MRPS5: variants seen among roughly 807,000 people sequenced by gnomAD.
MRPS5 encodes the protein small ribosomal subunit protein uS5m.
In MRPS5, 27 loss-of-function variants were observed where a neutral mutation model predicts 51.9. The ratio of observed to expected loss-of-function variants is 0.52; its 90% confidence interval spans 0.38 to 0.72. The LOEUF (loss-of-function observed/expected upper bound fraction) is 0.72. MRPS5 is among the 30% of genes least tolerant of loss of function. The probability of loss-of-function intolerance (pLI) is 0.00; values close to 1 mark genes in which losing one functional copy is unlikely to be tolerated. For missense variants in MRPS5, 570 were observed against 545.7 expected, an observed-to-expected ratio of 1.04 and a Z score of -0.44; for synonymous variants, 196 against 193.2, an observed-to-expected ratio of 1.01 and a Z score of -0.12.
At chr2:95,107,554 G>A (rs1391619878) in intron 5 of MRPS5, among the ~76,000 whole-genome samples, 1 of 152,038 alleles carries the variant, frequency 6.6e-6, no homozygotes. Context: ...CATGTTCTTT[G>A]GAATCTCTCC....
intron 11 of MRPS5, 46 bp downstream of exon 11, chr2:95,090,340 G>A (rs755238369): frequency 1.2e-6 from 2 of 1,604,988 alleles, no homozygotes; most frequent in Non-Finnish European, 1.7e-6. Flanking sequence ...ACACACAACT[G>A]AAATACAAAC....
At chr2:95,120,754 G>A (rs1676419543) in intron 1 of MRPS5, among the ~76,000 whole-genome samples, 1 of 152,148 alleles carries the variant, frequency 6.6e-6, no homozygotes, top group Non-Finnish European at 1.5e-5. Flanking sequence ...ACCTCATGAA[G>A]GCATTTCGAA....
intron 10 of MRPS5, among the ~76,000 whole-genome samples, chr2:95,099,764 T>C (rs1327783285): frequency 6.6e-6 from 1 of 152,246 alleles, no homozygotes; most frequent in Non-Finnish European, 1.5e-5. Flanking sequence ...TTGAGGGTTT[T>C]TTCCTGATTT....
At chr2:95,112,829 C>T (rs778063570) in intron 3 of MRPS5, among the ~76,000 whole-genome samples, 4 of 151,628 alleles carry the variant, frequency 2.6e-5, no homozygotes, top group Admixed American at 2.0e-4. Context: ...AAGGTGAAAC[C>T]CCATCTCTAC....
intron 6 of MRPS5, among the ~76,000 whole-genome samples, chr2:95,105,063 C>T (rs1675910556): frequency 1.3e-5 from 2 of 152,190 alleles, no homozygotes; most frequent in East Asian, 3.8e-4. Flanking sequence ...GCTGATCAAA[C>T]TTTGATGTAA....
At position 95,087,488 on chromosome 2, in the gene MRPS5, G is replaced by T; in HGVS notation, c.1162C>A (p.Arg388=). 5.0e-6 allele frequency: 8 copies of T among 1,614,084 alleles called. No individual in the cohort carries two copies. Among genetic ancestry groups the T allele is most frequent in the Middle Eastern group, 1.7e-4 (1 of 6,060 alleles). The change falls in exon 12 of 12, where the codon CGG becomes AGG. Residue 388 remains arginine, a synonymous_variant. Coordinates refer to ENST00000272418, the MANE Select transcript of MRPS5 (RefSeq NM_031902.5). ...TCTGGATCCTTCCTCAAGGGCCCCCGGGGGGACGCAACCACAATGGGCAGA... is the reference window on the plus strand; with the variant it reads ...TCTGGATCCTTCCTCAAGGGCCCCCTGGGGGACGCAACCACAATGGGCAGA... ...GPLPIVVASP[R]GPLRKDPEPE...
chr2:95,114,954 A>C (rs999037660), intron 3 of MRPS5, 112 bp downstream of exon 3: 1 of 978,898 alleles, frequency 1.0e-6, no homozygotes, highest in Non-Finnish European at 1.4e-6. Context: ...TTAACAGTAC[A>C]TTGTAAACTA....
At chr2:95,112,056 T>TTAA (rs1676135564) in intron 3 of MRPS5, among the ~76,000 whole-genome samples, 1 of 152,132 alleles carries the variant, frequency 6.6e-6, no homozygotes, top group Non-Finnish European at 1.5e-5. Context: ...CTATAAAAGA[T>TTAA]TAAGTTCATG....
At position 95,106,450 on chromosome 2, in the gene MRPS5, A is replaced by C. The variant is rs567995898; in HGVS notation, c.645T>G (p.Tyr215Ter). ...PPDPGPCGET[Y>*]EDFDTRILEV... ...CAAGTATCCTGGTATCAAAATCCTCATATGTTTCTGTAGGGAGAAAAGAAA... is the reference window on the plus strand; with the variant it reads ...CAAGTATCCTGGTATCAAAATCCTCCTATGTTTCTGTAGGGAGAAAAGAAA... Residue 215 changes from tyrosine (Y) to a stop codon, truncating the protein, a stop_gained, in exon 6 of 12, where the codon TAT becomes TAG. Coordinates refer to ENST00000272418, the MANE Select transcript of MRPS5 (RefSeq NM_031902.5). LOFTEE classifies it high-confidence loss of function. 3 of 1,611,368 alleles carry C rather than the reference A, an allele frequency of 1.9e-6. No individual in the cohort carries two copies. The highest frequency in any genetic ancestry group is 2.2e-5 in the East Asian group (1 of 44,818).
At chr2:95,110,071 T>C in intron 3 of MRPS5, 30 bp from the exon 4 acceptor site, 1 of 1,597,230 alleles carries the variant, frequency 6.3e-7, no homozygotes, top group South Asian at 1.1e-5. Context: ...CTTTTCTTAA[T>C]TCTGTAGTTT....
At chr2:95,101,884 T>C in intron 7 of MRPS5, 161 bp from the exon 8 acceptor site, 2 of 591,200 alleles carry the variant, frequency 3.4e-6, no homozygotes, top group Non-Finnish European at 5.9e-6. Context: ...CTGGGTGTAA[T>C]GATTCACATC....
rs748565553 is a variant in MRPS5 at position 95,104,744 on chromosome 2, T to C, written c.673-14A>G. On this transcript the variant is annotated splice_polypyrimidine_tract_variant and intron_variant, in intron 6 of 11. Transcript: ENST00000272418. ...AACGTTTCTTACCTAAAAGGCAAAA[T>C]GTCTCATAAATATTGCACATTAAGA... 4 of 1,612,716 alleles carry C rather than the reference T, an allele frequency of 2.5e-6. No individual in the cohort carries two copies. The highest frequency in any genetic ancestry group is 3.4e-6 in the Non-Finnish European group (4 of 1,178,982).
At chr2:95,095,740 A>G (rs573420908) in intron 10 of MRPS5, among the ~76,000 whole-genome samples, 25 of 152,368 alleles carry the variant, frequency 1.6e-4, no homozygotes, top group Non-Finnish European at 2.9e-4. Context: ...CTAAATGCCC[A>G]CAAGAGAAAG....
chr2:95,108,852 CCATGTGATATAATCTAAA>C (rs1676032241), intron 4 of MRPS5, among the ~76,000 whole-genome samples: 1 of 151,954 alleles, frequency 6.6e-6, no homozygotes, highest in African/African-American at 2.4e-5. Flanking sequence ...ACAGCATGTA[CCATGTGATATAATCTAAA>C]TTTTTTTTAA....
At position 95,104,747 on chromosome 2, in the gene MRPS5, C is replaced by A; in HGVS notation, c.673-17G>T. The stretch of plus-strand genomic sequence containing the variant: ...GTTTCTTACCTAAAAGGCAAAATGT[C>A]TCATAAATATTGCACATTAAGAAAA... On this transcript the variant is annotated splice_polypyrimidine_tract_variant and intron_variant, in intron 6 of 11. Coordinates refer to ENST00000272418, the MANE Select transcript of MRPS5 (RefSeq NM_031902.5). 2 of 1,611,016 alleles carry A rather than the reference C, an allele frequency of 1.2e-6. No homozygotes were observed. The highest frequency in any genetic ancestry group is 2.2e-5 in the South Asian group (2 of 91,014).
chr2:95,098,119 G>A (rs1675681615), intron 10 of MRPS5, among the ~76,000 whole-genome samples: 1 of 151,386 alleles, frequency 6.6e-6, no homozygotes, highest in South Asian at 2.1e-4. Context: ...CACTGGTTTT[G>A]CAAATCAAAA....
intron 5 of MRPS5, 137 bp downstream of exon 5, chr2:95,108,038 A>G (rs1676001165): frequency 8.6e-6 from 6 of 699,282 alleles, no homozygotes; most frequent in South Asian, 1.8e-5. Flanking sequence ...TATTGATGTG[A>G]TATGTTATTT....
At chr2:95,107,289 CA>C (rs1675977992) in intron 5 of MRPS5, among the ~76,000 whole-genome samples, 1 of 152,166 alleles carries the variant, frequency 6.6e-6, no homozygotes, top group Admixed American at 6.5e-5. Flanking sequence ...TCAATGTCCC[CA>C]TCTCACTCTC....
In MRPS5 at chr2:95,091,034, C is replaced by T. The variant is rs144981823; in HGVS notation, c.932-512G>A. On this transcript the variant is annotated intron_variant, in intron 10 of 11. Coordinates refer to ENST00000272418, the MANE Select transcript of MRPS5 (RefSeq NM_031902.5). ...TCTTGGGGGGTCTCCCCTCCAGCCA[C>T]TGGCCCTACCCTTTTCTGCCTGTAA... The T allele has an allele frequency of 4.9e-3, 756 of 154,810 alleles. 2 individuals are homozygous for T. Among genetic ancestry groups the T allele is most frequent in the Non-Finnish European group, 8.2e-3 (574 of 69,712 alleles). The allele number at this position is 154,810 out of a possible 1,614,324, so 9.6% of individuals were successfully genotyped here. A position where few individuals can be genotyped will look rare whatever the true frequency, so the allele number is the denominator to read the frequency against.
Sources: allele counts gnomAD v4.1 joint callset (sites outside exome capture counted in the v4.1 genomes callset), GRCh38; gene constraint gnomAD v4.1.1; transcripts MANE v1.5; gene names NCBI Gene and HGNC (gene_info 2026-07-23, HGNC 2026-07-21).